Variants in SV2C observed in about 807,000 individuals in gnomAD.
SV2C encodes solute carrier family 22 member B3.
Under a neutral mutation model 79.7 loss-of-function variants are expected in SV2C, and 49 were observed. That is an observed-to-expected ratio of 0.61 (90% CI 0.49 to 0.78). SV2C has a LOEUF of 0.78. Ranked by LOEUF, SV2C falls within the 30% of genes least tolerant of loss-of-function variation. SV2C has a pLI of 0.00. For synonymous variants in SV2C, 334 were observed against 333.2 expected (o/e 1.00, Z -0.03); for missense variants, 833 against 912.9 (o/e 0.91, Z 1.13).
At chr5:75,882,878 G>C in the SV2C span, among the ~76,000 whole-genome samples, 4 of 151,410 alleles carry the variant, frequency 2.6e-5, no homozygotes, top group African/African-American at 9.7e-5. Flanking sequence ...CACAGCAAAA[G>C]AAACTACCAT....
chr5:76,004,490 A>G, the SV2C span, among the ~76,000 whole-genome samples: 3 of 152,142 alleles, frequency 2.0e-5, no homozygotes, highest in Admixed American at 6.6e-5. Flanking sequence ...GTCACATGAT[A>G]TACATTACTT....
At chr5:76,301,269 C>T in intron 11 of SV2C, 117 bp from the exon 12 acceptor site, 1 of 1,363,164 alleles carries the variant, frequency 7.3e-7, no homozygotes, top group Non-Finnish European at 1.0e-6. Flanking sequence ...TTTATGGAGC[C>T]CATCCTGCAG....
At chr5:76,089,834 T>C (rs978060426) in intron 1 of SV2C, among the ~76,000 whole-genome samples, 1 of 152,222 alleles carries the variant, frequency 6.6e-6, no homozygotes, top group Non-Finnish European at 1.5e-5. Context: ...TAAGCCTAAA[T>C]TTTTTCAGCT....
chr5:76,271,756 C>T (rs143786257), intron 4 of SV2C, among the ~76,000 whole-genome samples: 18 of 151,838 alleles, frequency 1.2e-4, no homozygotes, highest in African/African-American at 3.9e-4. Flanking sequence ...CGTGAGCCAT[C>T]GCGCCCGGCG....
the SV2C span, among the ~76,000 whole-genome samples, chr5:75,946,703 A>G: frequency 1.5e-4 from 23 of 152,234 alleles, no homozygotes; most frequent in African/African-American, 4.8e-4. Flanking sequence ...TTTCATTCGT[A>G]TAACATTCTG....
chr5:76,300,951 GT>G lies in SV2C; in HGVS notation c.1840+20del, dbSNP rs1482341747. 6.2e-7 allele frequency: 1 copy of G among 1,613,056 alleles called. No individual in the cohort carries two copies. Among genetic ancestry groups the G allele is most frequent in the East Asian group, 2.2e-5 (1 of 44,864 alleles). On this transcript the variant is annotated intron_variant, in intron 11 of 12. Coordinates refer to ENST00000502798, the MANE Select transcript of SV2C (RefSeq NM_014979.4). ...ATGCTAGGTATGTACTCAGTTTCATGTCAAATAAAAGAGCTGCCCCTGCAAT... is the reference window on the plus strand; with the variant it reads ...ATGCTAGGTATGTACTCAGTTTCATGCAAATAAAAGAGCTGCCCCTGCAAT...
intron 1 of SV2C, among the ~76,000 whole-genome samples, chr5:76,124,964 C>T (rs1748652443): frequency 3.9e-5 from 6 of 152,138 alleles, no homozygotes; most frequent in Admixed American, 3.9e-4. Context: ...TTTCTGGGAC[C>T]TTCACAAAAG....
chr5:76,346,486 C>T (rs1482460796), intron 12 of SV2C, among the ~76,000 whole-genome samples: 3 of 152,140 alleles, frequency 2.0e-5, no homozygotes, highest in Non-Finnish European at 4.4e-5. Context: ...TCCTTTGCAA[C>T]TTTAGGTGCC....
chr5:75,985,742 A>G, the SV2C span, among the ~76,000 whole-genome samples: 1 of 152,020 alleles, frequency 6.6e-6, no homozygotes, highest in Admixed American at 6.6e-5. Context: ...ACTACTTAGT[A>G]ACAAAGTAGT....
the SV2C span, chr5:75,920,794 T>G: frequency 1.3e-6 from 1 of 778,892 alleles, no homozygotes; most frequent in Non-Finnish European, 2.4e-6. Flanking sequence ...ATGATGCACT[T>G]CAGGGACTTG....
chr5:75,909,445 C>A, the SV2C span, among the ~76,000 whole-genome samples: 2 of 152,214 alleles, frequency 1.3e-5, no homozygotes, highest in South Asian at 2.1e-4. Flanking sequence ...TGGGCACACA[C>A]TTTTATTTCT....
the SV2C span, among the ~76,000 whole-genome samples, chr5:75,892,674 T>C: frequency 1.3e-5 from 2 of 152,016 alleles, no homozygotes; most frequent in African/African-American, 4.8e-5. Context: ...TATAAGTGAG[T>C]ATAAGTAGTG....
chr5:76,197,535 T>G (rs1330883579), intron 3 of SV2C, among the ~76,000 whole-genome samples: 1 of 152,080 alleles, frequency 6.6e-6, no homozygotes, highest in African/African-American at 2.4e-5. Context: ...CATGTGAGCT[T>G]AGTTACCTTA....
chr5:76,233,765 C>A (rs1462325530), intron 4 of SV2C, among the ~76,000 whole-genome samples: 1 of 149,086 alleles, frequency 6.7e-6, no homozygotes, highest in Non-Finnish European at 1.5e-5. Context: ...TATATTGAAC[C>A]AGCCTTGCAT....
intron 3 of SV2C, 147 bp from the exon 4 acceptor site, chr5:76,209,589 T>C: frequency 1.2e-6 from 1 of 832,648 alleles, no homozygotes; most frequent in Non-Finnish European, 1.7e-6. Context: ...AATTTTTACA[T>C]TGTAAAATAA....
downstream of SV2C, among the ~76,000 whole-genome samples, chr5:76,338,821 C>T (rs550401476): frequency 6.6e-6 from 1 of 152,056 alleles, no homozygotes; most frequent in African/African-American, 2.4e-5. Flanking sequence ...TTATGCTTGG[C>T]TAATTTTTAT....
intron 2 of SV2C, among the ~76,000 whole-genome samples, chr5:76,151,190 T>C (rs1035458258): frequency 6.6e-6 from 1 of 152,134 alleles, no homozygotes; most frequent in Non-Finnish European, 1.5e-5. Flanking sequence ...TGGAGCTGGG[T>C]AAATGGTGTT....
the SV2C span, among the ~76,000 whole-genome samples, chr5:75,896,989 T>A: frequency 6.9e-6 from 1 of 144,744 alleles, no homozygotes; most frequent in East Asian, 1.9e-4. Flanking sequence ...GATGAGTAGG[T>A]TGCAAAAATT....
chr5:76,205,196 C>T (rs1744574711), intron 3 of SV2C, among the ~76,000 whole-genome samples: 1 of 151,586 alleles, frequency 6.6e-6, no homozygotes. Flanking sequence ...TGTCTGCTTG[C>T]CTGTGCATTG....
Sources: gnomAD v4.1 joint callset for allele counts (sites outside exome capture counted in the v4.1 genomes callset) on GRCh38, gnomAD v4.1.1 for gene constraint, MANE v1.5 for transcripts, NCBI Gene and HGNC (gene_info 2026-07-23, HGNC 2026-07-21) for gene names.